PTPRG: variants seen among roughly 807,000 people sequenced by gnomAD.
PTPRG encodes the protein receptor-type tyrosine-protein phosphatase gamma.
Under a neutral mutation model 165.3 loss-of-function variants are expected in PTPRG, and 102 were observed. That is an observed-to-expected ratio of 0.62 (90% CI 0.53 to 0.73). The LOEUF is 0.73. Among genes scored for constraint, PTPRG ranks in the 30% least tolerant of loss-of-function variants. The pLI, the probability that PTPRG is intolerant of heterozygous loss-of-function variation, is 0.00. For missense variants in PTPRG, 1,866 were observed against 1,861.4 expected, an observed-to-expected ratio of 1.00 and a Z score of -0.05; for synonymous variants, 675 against 669.5, an observed-to-expected ratio of 1.01 and a Z score of -0.13.
At chr3:61,763,645 A>T (rs2033928904) in intron 2 of PTPRG, among the ~76,000 whole-genome samples, 1 of 151,946 alleles carries the variant, frequency 6.6e-6, no homozygotes, top group Non-Finnish European at 1.5e-5. Flanking sequence ...TGTTGGGATT[A>T]CAGGCTTGAG....
chr3:61,858,653 TAAGA>T (rs1319115860), intron 2 of PTPRG, among the ~76,000 whole-genome samples: 21 of 152,310 alleles, frequency 1.4e-4, no homozygotes, highest in Admixed American at 5.9e-4. Flanking sequence ...TATTAGTACT[TAAGA>T]AACACTATTA....
intron 7 of PTPRG, among the ~76,000 whole-genome samples, chr3:62,159,616 C>G (rs1206064032): frequency 1.3e-5 from 2 of 152,298 alleles, no homozygotes; most frequent in East Asian, 1.9e-4. Flanking sequence ...CTATTCCACT[C>G]TCTGCCACCC....
At chr3:62,124,273 G>A in intron 5 of PTPRG, 1 of 1,506,914 alleles carries the variant, frequency 6.6e-7, no homozygotes. Flanking sequence ...GCAAGGACAG[G>A]ATGCTGATGT....
At chr3:61,662,260 G>A (rs1449201555) in intron 1 of PTPRG, among the ~76,000 whole-genome samples, 1 of 152,202 alleles carries the variant, frequency 6.6e-6, no homozygotes, top group Non-Finnish European at 1.5e-5. Context: ...TGACTTTAGA[G>A]ACAATATCTC....
chr3:62,150,975 C>G (rs923541360), intron 6 of PTPRG, among the ~76,000 whole-genome samples: 3 of 151,934 alleles, frequency 2.0e-5, no homozygotes, highest in Non-Finnish European at 1.5e-5. Flanking sequence ...TCTTTTTTTC[C>G]TATATAACCA....
chr3:61,970,089 C>G (rs1229341540), intron 2 of PTPRG, among the ~76,000 whole-genome samples: 1 of 151,974 alleles, frequency 6.6e-6, no homozygotes, highest in Non-Finnish European at 1.5e-5. Context: ...CATAAATATT[C>G]TTAAGCAAGG....
At chr3:61,605,564 TA>T (rs1443721184) in intron 1 of PTPRG, among the ~76,000 whole-genome samples, 1 of 83,074 alleles carries the variant, frequency 1.2e-5, no homozygotes, top group African/African-American at 2.9e-5. Flanking sequence ...CCAATTTTTT[TA>T]TTTTTTTGTT....
intron 2 of PTPRG, among the ~76,000 whole-genome samples, chr3:61,962,819 A>G (rs79344983): frequency 0.013 from 1,988 of 152,224 alleles, 37 homozygotes; most frequent in African/African-American, 0.045. Flanking sequence ...TACGGTACTC[A>G]TATTCCGCTT....
chr3:61,989,519 G>C lies in PTPRG; in HGVS notation c.191-106G>C. The C allele has an allele frequency of 5.7e-6, 6 of 1,059,008 alleles. No homozygotes were observed. In the South Asian group the frequency reaches 1.1e-4, roughly 20 times the overall value. 65.6% of individuals were successfully genotyped at this position (1,059,008 alleles called of 1,614,324 possible). On this transcript the variant is annotated intron_variant, in intron 2 of 29. Transcript: ENST00000474889. Reference sequence around the variant, plus strand: ...TAGTTTTCAGTACATTCACCTCTTTGGATTGGGGACATGTTGAGAGATGCA... The same window carrying C: ...TAGTTTTCAGTACATTCACCTCTTTCGATTGGGGACATGTTGAGAGATGCA...
chr3:61,751,712 C>T (rs1328836676), intron 2 of PTPRG, among the ~76,000 whole-genome samples: 3 of 152,076 alleles, frequency 2.0e-5, no homozygotes, highest in African/African-American at 4.8e-5. Context: ...TAACATAGGC[C>T]GGGCGCAGTG....
intron 1 of PTPRG, among the ~76,000 whole-genome samples, chr3:61,605,810 G>A (rs1043025986): frequency 1.3e-5 from 2 of 152,044 alleles, no homozygotes; most frequent in Non-Finnish European, 2.9e-5. Flanking sequence ...CTGGCCTTAA[G>A]CAATCCTCCT....
At chr3:61,641,730 A>G (rs1049327440) in intron 1 of PTPRG, among the ~76,000 whole-genome samples, 15 of 152,324 alleles carry the variant, frequency 9.8e-5, no homozygotes, top group African/African-American at 3.1e-4. Flanking sequence ...TAAAAAATCA[A>G]TTTCTGTGGT....
chr3:61,994,261 T>C (rs2040966155), intron 3 of PTPRG, among the ~76,000 whole-genome samples: 1 of 152,268 alleles, frequency 6.6e-6, no homozygotes, highest in Admixed American at 6.5e-5. Context: ...TGATGTATGT[T>C]AATAAGACGT....
chr3:62,191,812 C>T (rs896958519), intron 9 of PTPRG, among the ~76,000 whole-genome samples, 159 bp downstream of exon 9: 6 of 152,102 alleles, frequency 3.9e-5, no homozygotes, highest in Non-Finnish European at 5.9e-5. Flanking sequence ...TCGAGAGTGC[C>T]GGGGAGGACA....
At chr3:61,620,549 T>G (rs1463611567) in intron 1 of PTPRG, among the ~76,000 whole-genome samples, 1 of 152,176 alleles carries the variant, frequency 6.6e-6, no homozygotes, top group Non-Finnish European at 1.5e-5. Flanking sequence ...TTTTTTTTGT[T>G]CCTCGTCCGG....
At chr3:61,663,452 A>C (rs1463191809) in intron 1 of PTPRG, among the ~76,000 whole-genome samples, 1 of 152,172 alleles carries the variant, frequency 6.6e-6, no homozygotes, top group African/African-American at 2.4e-5. Context: ...CCTAACTTGC[A>C]ATGTTATTGT....
chr3:61,697,248 T>C (rs1458646764), intron 1 of PTPRG, among the ~76,000 whole-genome samples: 2 of 152,142 alleles, frequency 1.3e-5, no homozygotes, highest in Non-Finnish European at 2.9e-5. Flanking sequence ...AGAGATGCTG[T>C]TGGGGCTCAG....
chr3:61,641,759 C>T (rs901248902), intron 1 of PTPRG, among the ~76,000 whole-genome samples: 3 of 152,080 alleles, frequency 2.0e-5, no homozygotes, highest in African/African-American at 7.2e-5. Context: ...AAGGAGTGGG[C>T]CCAAATCTAG....
At chr3:61,745,944 C>G (rs1223421729) in intron 1 of PTPRG, among the ~76,000 whole-genome samples, 1 of 152,130 alleles carries the variant, frequency 6.6e-6, no homozygotes, top group African/African-American at 2.4e-5. Flanking sequence ...TAAAACTGAT[C>G]CCAGTAAAAA....
Sources: allele counts gnomAD v4.1 joint callset (sites outside exome capture counted in the v4.1 genomes callset), GRCh38; gene constraint gnomAD v4.1.1; transcripts MANE v1.5; gene names NCBI Gene and HGNC (gene_info 2026-07-23, HGNC 2026-07-21).